CGN: variants seen among roughly 807,000 people sequenced by gnomAD.
CGN encodes the protein cingulin.
A neutral mutation model predicts 157.1 loss-of-function variants in CGN; 121 were observed. The observed-to-expected ratio is 0.77, with a 90% CI of 0.66 to 0.90. CGN has a LOEUF of 0.90. Among genes scored for constraint, CGN ranks in the 40% least tolerant of loss-of-function variants. The pLI, the probability that CGN is intolerant of heterozygous loss-of-function variation, is 0.00. For synonymous variants in CGN, 535 were observed against 607.5 expected (o/e 0.88, Z 1.76); for missense variants, 1,424 against 1,520.9 (o/e 0.94, Z 1.06).
In CGN at chr1:151,534,842, C is replaced by G. The variant is rs997188844; in HGVS notation, c.2905-200C>G. ...AAGGGCCGTCACCAGAGCATGGCCC[C>G]GACCTGCCCATGATGCCACATCTGG... On this transcript the variant is annotated intron_variant, in intron 15 of 20. Transcript: ENST00000271636. The G allele has an allele frequency of 9.0e-6, 5 of 557,132 alleles. No homozygotes were observed. In the East Asian group the frequency reaches 1.5e-4, roughly 17 times the overall value. 34.5% of individuals were successfully genotyped at this position (557,132 alleles called of 1,614,324 possible).
rs779284563 is a variant in CGN at position 151,519,411 on chromosome 1, C to T, written c.873+19C>T. On this transcript the variant is annotated intron_variant, in intron 2 of 20. Coordinates refer to ENST00000271636, the MANE Select transcript of CGN (RefSeq NM_020770.3). Reference sequence around the variant, plus strand: ...GCTGCAGGTCAGACCCAGCCCCTCCCTGACTTCTAAATGTCAGCCCCTTCT... The same window carrying T: ...GCTGCAGGTCAGACCCAGCCCCTCCTTGACTTCTAAATGTCAGCCCCTTCT... 3.9e-6 allele frequency: 6 copies of T among 1,552,458 alleles called. No individual in the cohort carries two copies. In the African/African-American group the frequency reaches 8.2e-5, roughly 21 times the overall value.
intron 5 of CGN, among the ~76,000 whole-genome samples, chr1:151,522,052 A>G (rs1190515500): frequency 2.0e-5 from 3 of 151,642 alleles, no homozygotes; most frequent in Admixed American, 1.3e-4. Context: ...GCAAGGTGGG[A>G]GGACCACTTG....
At chr1:151,533,410 A>C (rs1236775776) in intron 14 of CGN, among the ~76,000 whole-genome samples, 1 of 151,684 alleles carries the variant, frequency 6.6e-6, no homozygotes, top group Non-Finnish European at 1.5e-5. Flanking sequence ...TGGGAGGTGG[A>C]GGTTGCAGTG....
intron 18 of CGN, 164 bp downstream of exon 18, chr1:151,536,062 A>G: frequency 4.3e-6 from 3 of 702,794 alleles, no homozygotes; most frequent in Non-Finnish European, 7.5e-6. Flanking sequence ...AGTGTTGCAG[A>G]AATTCTGAAA....
At chr1:151,517,962 T>A (rs1664448965) in intron 1 of CGN, among the ~76,000 whole-genome samples, 1 of 151,360 alleles carries the variant, frequency 6.6e-6, no homozygotes, top group Non-Finnish European at 1.5e-5. Flanking sequence ...TCCTCCCACC[T>A]CAGCCTCCCA....
At chr1:151,527,808 T>TACACACACACACACACAC (rs141985486) in intron 10 of CGN, 1 of 154,730 alleles carries the variant, frequency 6.5e-6, no homozygotes, top group Non-Finnish European at 1.4e-5. Context: ...TTTGGTTTTA[T>TACACACACACACACACAC]ACACACACAC....
Position 151,534,056 on chromosome 1 carries a change from C to G in CGN, c.2824C>G (p.Arg942Gly). The change falls in exon 15 of 21, where the codon CGA (arginine) becomes GGA (glycine). Residue 942 changes from arginine (R) to glycine (G), a missense_variant. By Grantham distance (125) the Arg-to-Gly change is moderately radical (BLOSUM62 -2). Transcript: ENST00000271636. ...GCTGGACAAAGAGCTACTGGCCCAG[C>G]GACTGCAGGGGCTGGAGCAAGAGGC... ...ARLDKELLAQRLQGLEQEAEN... is the reference protein window; with the variant it reads ...ARLDKELLAQGLQGLEQEAEN... 1 of 1,613,716 alleles carries G rather than the reference C, an allele frequency of 6.2e-7. No homozygotes were observed. Among genetic ancestry groups the G allele is most frequent in the Non-Finnish European group, 8.5e-7 (1 of 1,179,876 alleles).
intron 14 of CGN, 38 bp downstream of exon 14, chr1:151,532,610 CT>C (rs1664864412): frequency 2.9e-5 from 31 of 1,066,648 alleles, no homozygotes; most frequent in Non-Finnish European, 3.5e-5. Context: ...AGGTCCTTGC[CT>C]CTTTTTTTTT....
chr1:151,516,045 C>T (rs1664402761), intron 1 of CGN, among the ~76,000 whole-genome samples: 2 of 152,206 alleles, frequency 1.3e-5, no homozygotes, highest in Non-Finnish European at 2.9e-5. Context: ...GGGCTCTTCT[C>T]TCCCTGTTCC....
At chr1:151,532,608 G>GCC in intron 14 of CGN, 36 bp downstream of exon 14, 1 of 1,046,528 alleles carries the variant, frequency 9.6e-7, no homozygotes, top group Non-Finnish European at 1.3e-6. Flanking sequence ...GAAGGTCCTT[G>GCC]CCTCTTTTTT....
At position 151,523,420 on chromosome 1, in the gene CGN, A is replaced by G; in HGVS notation, c.1141-14A>G. ...CCTACCCTCTACCTGCTGTACTCTC[A>G]TTCCCTTTTACAGAAGCGGCAGAAG... is the stretch of plus-strand genomic sequence containing the variant. On this transcript the variant is annotated splice_polypyrimidine_tract_variant and intron_variant, in intron 5 of 20. Transcript: ENST00000271636. The G allele has an allele frequency of 6.2e-7, 1 of 1,601,662 alleles. No individual in the cohort carries two copies.
chr1:151,534,105 A>T lies in CGN; in HGVS notation c.2873A>T (p.Asp958Val). 4.4e-6 allele frequency: 7 copies of T among 1,606,756 alleles called. 1 individual carries two copies. Among genetic ancestry groups the T allele is most frequent in the Non-Finnish European group, 5.9e-6 (7 of 1,176,490 alleles). Reference protein sequence around the residue: ...QEAENKKRSQDDRARQLKGLE... With the variant: ...QEAENKKRSQVDRARQLKGLE... ...GCAGAGAACAAGAAGCGTTCCCAGG[A>T]CGACAGGGCCCGGCAGCTGAAGGGT... Residue 958 changes from aspartate to valine, a missense_variant, in exon 15 of 21, where the codon GAC becomes GTC. By Grantham distance (152) the Asp-to-Val change is radical. Transcript: ENST00000271636.
In CGN at chr1:151,524,242, C is replaced by T. The variant is rs16833336; in HGVS notation, c.1285C>T (p.Arg429Cys). The change falls in exon 7 of 21, where the codon CGC (arginine) becomes TGC (cysteine). Residue 429 changes from arginine (R) to cysteine (C), a missense_variant. Physicochemically the swap from Arg to Cys is radical, Grantham distance 180. Around this residue, in one of 3 missense-constraint regions of CGN, gnomAD observed 1,187 missense variants for 1,217.6 expected, o/e 0.97. Transcript: ENST00000271636. This position sits in a 1 kb window ranked among gnomAD's most constrained non-coding sequence, Gnocchi z 4.4. ...QSNKELQNMK[R>C]LLDQGEDLRH... is the part of the protein sequence containing the mutation. The stretch of plus-strand genomic sequence containing the variant: ...TATTATTAGGCTCCAGAACATGAAG[C>T]GCCTCTTGGACCAGGGTGAAGATTT... 10,229 of 1,613,812 alleles carry T rather than the reference C, an allele frequency of 6.3e-3. 521 individuals are homozygous for T. In the African/African-American group the frequency reaches 0.12, roughly 18 times the overall value.
At position 151,525,691 on chromosome 1, in the gene CGN, G is replaced by A. The variant is rs753953511; in HGVS notation, c.1664G>A (p.Arg555Gln). The A allele has an allele frequency of 1.7e-5, 27 of 1,611,622 alleles. No individual in the cohort carries two copies. In the East Asian group the frequency reaches 2.0e-4, roughly 12 times the overall value. Residue 555 changes from arginine (R) to glutamine (Q), a missense_variant, in exon 9 of 21, where the codon CGA becomes CAA. Arg to Gln is a conservative substitution (Grantham distance 43). Transcript: ENST00000271636. ...AGGCAGAAGATGTCAGCCCTTGTGC[G>A]AGGGCTGCAGAGGGAGCTGGAGGAG... is the stretch of plus-strand genomic sequence containing the variant. The part of the protein sequence containing the change: ...AERQKMSALV[R>Q]GLQRELEETS...
intron 1 of CGN, among the ~76,000 whole-genome samples, chr1:151,514,404 C>G (rs1305660853): frequency 1.3e-5 from 2 of 152,170 alleles, no homozygotes; most frequent in Non-Finnish European, 2.9e-5. Flanking sequence ...CTAGGCACTT[C>G]TGGTTCTAAG....
chr1:151,513,713 G>A (rs1251121686), intron 1 of CGN, among the ~76,000 whole-genome samples: 1 of 152,204 alleles, frequency 6.6e-6, no homozygotes, highest in Non-Finnish European at 1.5e-5. Flanking sequence ...GCATATGGCT[G>A]GGCCAGAGGT....
rs766185894 is a variant in CGN, at chr1:151,530,046, G to C, written c.2244G>C (p.Glu748Asp). ...TGGGTTTGGAGCAGCAGCTGAAGGAGACTCGAGGTCTGGTGGATGGTGGGG... is the reference window on the plus strand; with the variant it reads ...TGGGTTTGGAGCAGCAGCTGAAGGACACTCGAGGTCTGGTGGATGGTGGGG... Reference protein sequence around the residue: ...RILGLEQQLKETRGLVDGGEA... With the variant: ...RILGLEQQLKDTRGLVDGGEA... The change falls in exon 12 of 21, where the codon GAG (glutamate) becomes GAC (aspartate). Residue 748 changes from glutamate to aspartate, a missense_variant. By Grantham distance (45) the Glu-to-Asp change is conservative. Coordinates refer to ENST00000271636, the MANE Select transcript of CGN (RefSeq NM_020770.3). 6.2e-7 allele frequency: 1 copy of C among 1,614,178 alleles called. No homozygotes were observed. Among genetic ancestry groups the C allele is most frequent in the Non-Finnish European group, 8.5e-7 (1 of 1,180,034 alleles).
chr1:151,535,726 G>T, intron 17 of CGN, 43 bp downstream of exon 17: 1 of 1,608,302 alleles, frequency 6.2e-7, no homozygotes, highest in Non-Finnish European at 8.5e-7. Flanking sequence ...ACCCCAGGAG[G>T]TGAGTAAAAT....
intron 1 of CGN, 59 bp from the exon 2 acceptor site, chr1:151,518,447 A>G (rs1256542692): frequency 4.2e-6 from 6 of 1,416,872 alleles, no homozygotes; most frequent in South Asian, 1.4e-5. Context: ...GCCCGCAGGT[A>G]GAAGTTTCAT....
Sources: gnomAD v4.1 joint callset for allele counts (sites outside exome capture counted in the v4.1 genomes callset) on GRCh38, gnomAD v4.1.1 for gene constraint, gnomAD v4.1.1 regional missense constraint, Gnocchi (gnomAD v3.1) non-coding constraint, MANE v1.5 for transcripts, NCBI Gene and HGNC (gene_info 2026-07-23, HGNC 2026-07-21) for gene names.